AKR1C2: variants seen among roughly 807,000 people sequenced by gnomAD.
AKR1C2 encodes the protein 3-alpha-HSD3.
Under a neutral mutation model 39.8 loss-of-function variants are expected in AKR1C2, and 27 were observed. That is an observed-to-expected ratio of 0.68 (90% CI 0.50 to 0.93). AKR1C2 has a LOEUF of 0.93. AKR1C2 is among the 40% of genes least tolerant of loss of function. The pLI, the probability that AKR1C2 is intolerant of heterozygous loss-of-function variation, is 0.00. For missense variants in AKR1C2, 263 were observed against 365.1 expected (o/e 0.72, Z 2.28); for synonymous variants, 114 against 137.9 (o/e 0.83, Z 1.22).
At chr10:4,990,181 T>C (rs1281770274) in intron 8 of AKR1C2, 143 bp from the exon 9 acceptor site, 4 of 918,542 alleles carry the variant, frequency 4.4e-6, no homozygotes, top group Non-Finnish European at 6.5e-6. Flanking sequence ...TGTTTCTTTG[T>C]TTAATGAACG....
upstream of AKR1C2, among the ~76,000 whole-genome samples, chr10:5,005,801 A>T (rs72769993): frequency 0.011 from 1,681 of 152,360 alleles, 24 homozygotes; most frequent in Non-Finnish European, 0.015. Context: ...GTAGAGAAGC[A>T]TTTAAACAGC....
intron 1 of AKR1C2, among the ~76,000 whole-genome samples, chr10:5,014,175 C>A (rs1937891): frequency 0.84 from 124,037 of 148,002 alleles, 52,024 homozygotes; most frequent in African/African-American, 0.91. Context: ...ATCATGAATA[C>A]TAACATTGCT....
chr10:4,992,740 C>T (rs1369818953), intron 7 of AKR1C2, among the ~76,000 whole-genome samples: 1 of 151,510 alleles, frequency 6.6e-6, no homozygotes, highest in Admixed American at 6.6e-5. Flanking sequence ...TGCCTGATTT[C>T]AGGAGTTAGA....
intron 5 of AKR1C2, among the ~76,000 whole-genome samples, chr10:4,996,981 G>T (rs181882989): frequency 1.3e-5 from 2 of 152,132 alleles, no homozygotes; most frequent in Non-Finnish European, 1.5e-5. Flanking sequence ...ATGGGAATAT[G>T]ACTTCTTCTG....
chr10:4,997,042 G>A (rs1564329248), intron 5 of AKR1C2, among the ~76,000 whole-genome samples: 1 of 152,052 alleles, frequency 6.6e-6, no homozygotes, highest in Non-Finnish European at 1.5e-5. Context: ...GAGAAAACAT[G>A]AGTTAAAAAC....
upstream of AKR1C2, chr10:5,004,043 G>C: frequency 1.9e-6 from 1 of 516,420 alleles, no homozygotes; most frequent in South Asian, 2.6e-5. Flanking sequence ...AAATTATTAT[G>C]TGGTCATGAT....
chr10:5,009,030 A>G (rs1387180894), intron 1 of AKR1C2, among the ~76,000 whole-genome samples: 4 of 152,110 alleles, frequency 2.6e-5, no homozygotes, highest in Non-Finnish European at 4.4e-5. Context: ...GCTGTGGAAA[A>G]TGGTGGGATG....
At chr10:5,005,796 G>C, upstream of AKR1C2, among the ~76,000 whole-genome samples, 1 of 152,126 alleles carries the variant, frequency 6.6e-6, no homozygotes, top group East Asian at 1.9e-4. Flanking sequence ...AATTAGTAGA[G>C]AAGCATTTAA....
chr10:5,000,259 C>T, intron 3 of AKR1C2: 2 of 1,454,614 alleles, frequency 1.4e-6, no homozygotes, highest in Non-Finnish European at 1.8e-6. Context: ...AATCAGGAAT[C>T]ATAAATAAGA....
At chr10:5,017,395 A>C (rs376531056) in intron 1 of AKR1C2, among the ~76,000 whole-genome samples, 23 of 152,176 alleles carry the variant, frequency 1.5e-4, no homozygotes, top group Admixed American at 1.1e-3. Context: ...TGATGCTTAG[A>C]AATTTCTTCC....
chr10:4,991,745 C>T (rs1251820847), intron 8 of AKR1C2, 86 bp downstream of exon 8: 2 of 268,816 alleles, frequency 7.4e-6, no homozygotes, highest in Non-Finnish European at 1.4e-5. Context: ...GGCCTCTGTG[C>T]CCCTGGTGTG....
At chr10:5,012,406 C>T (rs1480784037) in intron 1 of AKR1C2, among the ~76,000 whole-genome samples, 2 of 151,552 alleles carry the variant, frequency 1.3e-5, no homozygotes, top group African/African-American at 4.9e-5. Flanking sequence ...AAGATAGAAG[C>T]ATTTCCTGAA....
chr10:5,012,861 A>G (rs1177457239), intron 1 of AKR1C2, among the ~76,000 whole-genome samples: 2 of 152,198 alleles, frequency 1.3e-5, no homozygotes, highest in Non-Finnish European at 2.9e-5. Flanking sequence ...GCACATAGGC[A>G]TGCTGTTTTT....
chr10:5,009,094 G>C (rs1837466972), intron 1 of AKR1C2, among the ~76,000 whole-genome samples: 1 of 152,210 alleles, frequency 6.6e-6, no homozygotes, highest in African/African-American at 2.4e-5. Context: ...GGAGGAGGCT[G>C]AGGTACTGCT....
Position 4,989,487 on chromosome 10 carries a change from C to T in AKR1C2, c.*509G>A, listed in dbSNP as rs1377135528. The stretch of plus-strand genomic sequence containing the variant: ...CCAAGGCTCCAGAAACTCTGACCCT[C>T]GCACTGCTGGAGGGAGCCCATGAAT... On this transcript the variant is annotated 3_prime_UTR_variant, in exon 9 of 9. Coordinates refer to ENST00000380753, the MANE Select transcript of AKR1C2 (RefSeq NM_001393392.1). 1 of 151,546 alleles carries T rather than the reference C, an allele frequency of 6.6e-6. No homozygotes were observed. The highest frequency in any genetic ancestry group is 2.5e-5 in the African/African-American group (1 of 40,810). 9.4% of individuals were successfully genotyped at this position (151,546 alleles called of 1,614,324 possible).
At chr10:5,011,891 A>G (rs564760121) in intron 1 of AKR1C2, among the ~76,000 whole-genome samples, 2 of 152,346 alleles carry the variant, frequency 1.3e-5, no homozygotes, top group East Asian at 3.9e-4. Flanking sequence ...TTCATAGAGC[A>G]GTTATAAGTA....
intron 1 of AKR1C2, among the ~76,000 whole-genome samples, chr10:5,017,514 C>T (rs2131736372): frequency 1.3e-5 from 2 of 152,296 alleles, no homozygotes; most frequent in South Asian, 4.1e-4. Flanking sequence ...GTGACCTTTA[C>T]TCCAGTTCCC....
chr10:5,005,051 C>A (rs1441652591), upstream of AKR1C2, among the ~76,000 whole-genome samples: 1 of 150,752 alleles, frequency 6.6e-6, no homozygotes, highest in Non-Finnish European at 1.5e-5. Flanking sequence ...AGTAGAGATT[C>A]AGGGTGACTA....
At chr10:4,997,263 G>T (rs1408323655) in intron 5 of AKR1C2, 2 of 152,204 alleles carry the variant, frequency 1.3e-5, no homozygotes, top group African/African-American at 2.4e-5. Flanking sequence ...GGAAAAACAA[G>T]TTAACTGATA....
Sources: allele counts gnomAD v4.1 joint callset (sites outside exome capture counted in the v4.1 genomes callset), GRCh38; gene constraint gnomAD v4.1.1; transcripts MANE v1.5; gene names NCBI Gene and HGNC (gene_info 2026-07-23, HGNC 2026-07-21).